The following SRD5A3 variants were observed in gnomAD, a reference collection of about 807,000 sequenced individuals.
SRD5A3 encodes polyprenal reductase.
In SRD5A3, 24 loss-of-function variants were observed where a neutral mutation model predicts 34.3. That is an observed-to-expected ratio of 0.70 (90% CI 0.51 to 0.99). SRD5A3 has a LOEUF of 0.99. SRD5A3 is among the 50% of genes least tolerant of loss of function. The pLI is 0.00. For synonymous variants in SRD5A3, 161 were observed against 167.3 expected (o/e 0.96, Z 0.29); for missense variants, 350 against 388.2 (o/e 0.90, Z 0.83).
intron 2 of SRD5A3, 24 bp from the exon 3 acceptor site, chr4:55,364,050 A>C: frequency 6.2e-7 from 1 of 1,613,070 alleles, no homozygotes; most frequent in Non-Finnish European, 8.5e-7. Context: ...AGAAATGCTG[A>C]CCCTGTTGCC....
chr4:55,355,583 C>T (rs938593975), intron 1 of SRD5A3, among the ~76,000 whole-genome samples: 4 of 152,080 alleles, frequency 2.6e-5, no homozygotes, highest in African/African-American at 7.2e-5. Flanking sequence ...GAGCGCAGCA[C>T]GGTGTAGCTT....
At position 55,367,628 on chromosome 4, in the gene SRD5A3, G is replaced by A. The variant is rs765191836; in HGVS notation, c.603G>A (p.Trp201Ter). The A allele has an allele frequency of 2.5e-6, 4 of 1,613,996 alleles. No homozygotes were observed. The highest frequency in any genetic ancestry group is 3.3e-5 in the Admixed American group (2 of 59,994). The change falls in exon 4 of 5, where the codon TGG becomes TGA. Residue 201 changes from tryptophan (W) to a stop codon, truncating the protein, a stop_gained. Transcript: ENST00000264228. LOFTEE classifies it high-confidence loss of function. ...AAAATCTATTGATGCAAGCACGGTGGTTCCATATTCTTGGGATGATGATGT... is the reference window on the plus strand; with the variant it reads ...AAAATCTATTGATGCAAGCACGGTGATTCCATATTCTTGGGATGATGATGT... ...TGKNLLMQAR[W>*]FHILGMMMFI...
At chr4:55,359,181 T>C in intron 1 of SRD5A3, 165 bp from the exon 2 acceptor site, 1 of 946,732 alleles carries the variant, frequency 1.1e-6, no homozygotes, top group East Asian at 2.5e-5. Context: ...GAAAGGAAAT[T>C]TTAAGAACCT....
chr4:55,356,000 A>ATT (rs10648522), intron 1 of SRD5A3, among the ~76,000 whole-genome samples: 17,065 of 74,094 alleles, frequency 0.23, 4,951 homozygotes, highest in African/African-American at 0.28. Flanking sequence ...TTTTGCCTCC[A>ATT]TTTTTTTTTT....
rs1719593518 is a variant in SRD5A3 at position 55,359,422 on chromosome 4, C to T, written c.298C>T (p.Leu100=). The part of the protein sequence containing the change: ...LLWCLTQSLF[L]GAPFPSWLHG... ...TTGGTGCCTTACTCAATCTCTGTTCCTGGGAGCACCTTTTCCAAGCTGGCT... is the reference window on the plus strand; with the variant it reads ...TTGGTGCCTTACTCAATCTCTGTTCTTGGGAGCACCTTTTCCAAGCTGGCT... The change falls in exon 2 of 5, where the codon CTG becomes TTG. Residue 100 remains leucine, a synonymous_variant. Coordinates refer to ENST00000264228, the MANE Select transcript of SRD5A3 (RefSeq NM_024592.5). The T allele has an allele frequency of 1.2e-6, 2 of 1,613,882 alleles. No individual in the cohort carries two copies. The highest frequency in any genetic ancestry group is 1.7e-6 in the Non-Finnish European group (2 of 1,179,994).
chr4:55,351,787 G>A (rs1407383886), intron 1 of SRD5A3: 1 of 472,746 alleles, frequency 2.1e-6, no homozygotes, highest in African/African-American at 2.0e-5. Context: ...TTGAAGAAAG[G>A]CAGAGGAACT....
rs1198769679 is a variant in SRD5A3 at position 55,354,975 on chromosome 4, T to TTATC, written c.222-4370_222-4367dup. On this transcript the variant is annotated intron_variant, in intron 1 of 4. Coordinates refer to ENST00000264228, the MANE Select transcript of SRD5A3 (RefSeq NM_024592.5). ...GGGAGTGCTCATTCAGCACCTTGTA[T>TTATC]TATCCTATAAGGATCACCTTACCCC... Among the ~76,000 whole-genome samples, 3 of 152,342 alleles carry TTATC rather than the reference T, an allele frequency of 2.0e-5. No homozygotes were observed. The East Asian group carries it at 5.8e-4, about 29-fold the overall frequency.
At chr4:55,368,114 C>T (rs561527576) in intron 4 of SRD5A3, among the ~76,000 whole-genome samples, 2 of 152,246 alleles carry the variant, frequency 1.3e-5, no homozygotes, top group African/African-American at 4.8e-5. Context: ...CAGTGGCTCA[C>T]GCCTGTAATT....
chr4:55,363,038 G>C (rs1196071777), intron 2 of SRD5A3, among the ~76,000 whole-genome samples: 1 of 151,368 alleles, frequency 6.6e-6, no homozygotes, highest in Non-Finnish European at 1.5e-5. Context: ...GTAGAGACAG[G>C]GTTTCACCAT....
At position 55,346,615 on chromosome 4, in the gene SRD5A3, C is replaced by T. The variant is rs1719008180; in HGVS notation, c.221+58C>T. On this transcript the variant is annotated intron_variant, in intron 1 of 4. Coordinates refer to ENST00000264228, the MANE Select transcript of SRD5A3 (RefSeq NM_024592.5). The stretch of plus-strand genomic sequence containing the variant: ...CAAGGCGCTGAGAGTTCGGGGCGCC[C>T]CGGCTCGCGGGCAGCCAGCAGGGGG... 7 of 1,455,112 alleles carry T rather than the reference C, an allele frequency of 4.8e-6. No homozygotes were observed. In the Admixed American group the frequency reaches 1.5e-4, roughly 31 times the overall value. 90.1% of individuals were successfully genotyped at this position (1,455,112 alleles called of 1,614,324 possible).
intron 2 of SRD5A3, among the ~76,000 whole-genome samples, chr4:55,363,662 C>T (rs1050979847): frequency 2.6e-5 from 4 of 152,152 alleles, no homozygotes; most frequent in African/African-American, 9.6e-5. Flanking sequence ...CTGTTCCTGT[C>T]CCCCTCTCTG....
At chr4:55,347,839 AAGAAGT>A (rs1436322042) in intron 1 of SRD5A3, among the ~76,000 whole-genome samples, 2 of 152,212 alleles carry the variant, frequency 1.3e-5, no homozygotes, top group African/African-American at 4.8e-5. Context: ...CCCTAAAGGG[AAGAAGT>A]AGAAGTACAT....
intron 1 of SRD5A3, among the ~76,000 whole-genome samples, chr4:55,358,591 G>C (rs1197094728): frequency 6.8e-6 from 1 of 148,146 alleles, no homozygotes; most frequent in Admixed American, 6.7e-5. Context: ...CTAGGCCCTT[G>C]TGCCATATTA....
intron 1 of SRD5A3, among the ~76,000 whole-genome samples, chr4:55,353,486 A>G (rs1719279922): frequency 6.6e-6 from 1 of 152,176 alleles, no homozygotes; most frequent in African/African-American, 2.4e-5. Context: ...GCGGGGCCAA[A>G]TAAGGGAATA....
chr4:55,350,000 A>C (rs991734122), intron 1 of SRD5A3, among the ~76,000 whole-genome samples: 1 of 152,180 alleles, frequency 6.6e-6, no homozygotes, highest in Non-Finnish European at 1.5e-5. Flanking sequence ...ATACCTCAAA[A>C]TATTACTGTT....
chr4:55,354,631 C>A (rs1386087259), intron 1 of SRD5A3, among the ~76,000 whole-genome samples: 2 of 152,148 alleles, frequency 1.3e-5, no homozygotes, highest in African/African-American at 4.8e-5. Flanking sequence ...CCCAGATAGC[C>A]ACATGGTTTA....
intron 1 of SRD5A3, among the ~76,000 whole-genome samples, chr4:55,358,771 CTAGTT>C (rs899291753): frequency 1.1e-4 from 17 of 151,994 alleles, no homozygotes; most frequent in Non-Finnish European, 1.5e-5. Flanking sequence ...GAGTTAATAC[CTAGTT>C]TTATGATTGT....
chr4:55,353,551 T>G (rs73149737), intron 1 of SRD5A3, among the ~76,000 whole-genome samples: 1 of 152,186 alleles, frequency 6.6e-6, no homozygotes, highest in African/African-American at 2.4e-5. Context: ...CCTTCTACCC[T>G]GTGGAGGCTG....
Position 55,372,179 on chromosome 4 carries a change from G to A in SRD5A3, c.*2088G>A, listed in dbSNP as rs1444537320. The A allele has an allele frequency of 6.6e-6, 1 of 152,178 alleles. No individual in the cohort carries two copies. The highest frequency in any genetic ancestry group is 1.9e-4 in the East Asian group (1 of 5,200). 9.4% of individuals were successfully genotyped at this position (152,178 alleles called of 1,614,324 possible). On this transcript the variant is annotated 3_prime_UTR_variant, in exon 5 of 5. Transcript: ENST00000264228. ...GTCTTAATTTCCACATGAATATCAAGTGTAATTTTTAATAAATTATTTGGA... is the reference window on the plus strand; with the variant it reads ...GTCTTAATTTCCACATGAATATCAAATGTAATTTTTAATAAATTATTTGGA...
Sources: gnomAD v4.1 joint callset for allele counts (sites outside exome capture counted in the v4.1 genomes callset) on GRCh38, gnomAD v4.1.1 for gene constraint, MANE v1.5 for transcripts, NCBI Gene and HGNC (gene_info 2026-07-23, HGNC 2026-07-21) for gene names.